NFAM1: variants seen among roughly 807,000 people sequenced by gnomAD.
The protein encoded by NFAM1 is NFAT activating protein with ITAM motif 1.
In NFAM1, 17 loss-of-function variants were observed where a neutral mutation model predicts 29.0. The ratio of observed to expected loss-of-function variants is 0.59; its 90% CI spans 0.40 to 0.88. The LOEUF (loss-of-function observed/expected upper bound fraction) is 0.88. NFAM1 is among the 40% of genes least tolerant of loss of function. The pLI is 0.00. For missense variants in NFAM1, 324 were observed against 344.6 expected (o/e 0.94, Z 0.47); for synonymous variants, 175 against 147.2 (o/e 1.19, Z -1.36).
At position 42,384,283 on chromosome 22, in the gene NFAM1, G is replaced by C. The variant is rs1482745022; in HGVS notation, c.*878C>G. ...GAAGGAGGGACAGCTGAGGTCCTGT[G>C]GTGGAGAAGGCCTGGAGCAGAGGGT... On this transcript the variant is annotated 3_prime_UTR_variant, in exon 6 of 6. Transcript: ENST00000329021. 2 of 153,608 alleles carry C rather than the reference G, an allele frequency of 1.3e-5. No individual in the cohort carries two copies. Among genetic ancestry groups the C allele is most frequent in the African/African-American group, 2.4e-5 (1 of 41,424 alleles). 9.5% of individuals were successfully genotyped at this position (153,608 alleles called of 1,614,324 possible).
chr22:42,389,678 C>T (rs1458342367), intron 4 of NFAM1, among the ~76,000 whole-genome samples: 1 of 39,238 alleles, frequency 2.5e-5, no homozygotes, highest in Non-Finnish European at 4.8e-5. Context: ...GGCTGGGGGG[C>T]TGGGCTGGGC....
chr22:42,402,831 C>CTTTTTTTTTT (rs35045065), intron 3 of NFAM1, among the ~76,000 whole-genome samples: 1 of 97,130 alleles, frequency 1.0e-5, no homozygotes, highest in African/African-American at 4.7e-5. Flanking sequence ...TCTGTGCCTT[C>CTTTTTTTTTT]TTTTTTTTTT....
At chr22:42,425,178 C>T (rs1325098200) in intron 1 of NFAM1, among the ~76,000 whole-genome samples, 1 of 152,016 alleles carries the variant, frequency 6.6e-6, no homozygotes, top group Non-Finnish European at 1.5e-5. Flanking sequence ...AAACCTCGGC[C>T]CCCCAAAGTG....
At position 42,409,585 on chromosome 22, in the gene NFAM1, C is replaced by G. The variant is rs770693166; in HGVS notation, c.452-38G>C. 2.1e-5 allele frequency: 23 copies of G among 1,099,402 alleles called. No homozygotes were observed. The highest frequency in any genetic ancestry group is 2.6e-5 in the Non-Finnish European group (20 of 782,194). 68.1% of individuals were successfully genotyped at this position (1,099,402 alleles called of 1,614,324 possible). ...GCAGGGGAGCAGAGGGGTCAGTGAC[C>G]CAGGAGAAAGCGGGGCACACACACC... On this transcript the variant is annotated intron_variant, in intron 2 of 5. Coordinates refer to ENST00000329021, the MANE Select transcript of NFAM1 (RefSeq NM_145912.8). The surrounding 1 kb of genome is among the most constrained non-coding windows in gnomAD (Gnocchi z 4.9).
At position 42,385,094 on chromosome 22, in the gene NFAM1, C is replaced by A. The variant is rs1601729890; in HGVS notation, c.*67G>T. ...GCCTTACTCCCAACTCAGATCAAGT[C>A]CTTTGGTGGCAGGGGCTGCCCCGGT... On this transcript the variant is annotated 3_prime_UTR_variant, in exon 6 of 6. Coordinates refer to ENST00000329021, the MANE Select transcript of NFAM1 (RefSeq NM_145912.8). 6 of 1,206,968 alleles carry A rather than the reference C, an allele frequency of 5.0e-6. No individual in the cohort carries two copies. The highest frequency in any genetic ancestry group is 7.4e-6 in the Non-Finnish European group (6 of 809,888). 74.8% of individuals were successfully genotyped at this position (1,206,968 alleles called of 1,614,324 possible). A position where few individuals can be genotyped will look rare whatever the true frequency, so the allele number is the denominator to read the frequency against.
chr22:42,386,151 A>G (rs989968978), intron 5 of NFAM1, among the ~76,000 whole-genome samples: 11 of 151,990 alleles, frequency 7.2e-5, no homozygotes, highest in African/African-American at 2.4e-4. Flanking sequence ...GAGGTGGGTG[A>G]ATCATGAGGT....
chr22:42,437,205 C>A (rs573249823), upstream of NFAM1, among the ~76,000 whole-genome samples: 1 of 146,172 alleles, frequency 6.8e-6, no homozygotes, highest in Non-Finnish European at 1.5e-5. Context: ...TGCAGTGGTG[C>A]GATCTTGGCT....
chr22:42,437,083 G>T, upstream of NFAM1: 1 of 567,528 alleles, frequency 1.8e-6, no homozygotes, highest in Non-Finnish European at 2.2e-6. Flanking sequence ...ACACCAAAAG[G>T]AATCTTCAAG....
At chr22:42,437,755 T>C in the NFAM1 span, among the ~76,000 whole-genome samples, 1 of 152,150 alleles carries the variant, frequency 6.6e-6, no homozygotes, top group Non-Finnish European at 1.5e-5. Flanking sequence ...GGCCACCGCC[T>C]AGCAAGATCA....
intron 1 of NFAM1, among the ~76,000 whole-genome samples, chr22:42,420,494 A>C (rs993556164): frequency 6.6e-6 from 1 of 150,550 alleles, no homozygotes; most frequent in Non-Finnish European, 1.5e-5. Flanking sequence ...GGCTGGGTGC[A>C]GTGGGTCACG....
intron 3 of NFAM1, among the ~76,000 whole-genome samples, chr22:42,400,896 A>G (rs5996156): frequency 0.29 from 43,853 of 152,134 alleles, 6,853 homozygotes; most frequent in South Asian, 0.44. Context: ...GCTCATGGGC[A>G]GTGGGTCTCC....
intron 1 of NFAM1, among the ~76,000 whole-genome samples, chr22:42,415,592 C>T (rs1930235684): frequency 6.6e-6 from 1 of 152,160 alleles, no homozygotes; most frequent in African/African-American, 2.4e-5. Context: ...AGCCACCGCG[C>T]CCGGCCTGCA....
upstream of NFAM1, among the ~76,000 whole-genome samples, chr22:42,436,758 A>T (rs1930950100): frequency 6.6e-6 from 1 of 152,238 alleles, no homozygotes; most frequent in South Asian, 2.1e-4. Context: ...TGCTTCGCAG[A>T]TGAGGAAACT....
intron 4 of NFAM1, among the ~76,000 whole-genome samples, chr22:42,389,493 C>G (rs1929260044): frequency 6.6e-6 from 1 of 152,124 alleles, no homozygotes; most frequent in Non-Finnish European, 1.5e-5. Flanking sequence ...GCCTTGGCAA[C>G]AGGACACCCT....
intron 1 of NFAM1, among the ~76,000 whole-genome samples, chr22:42,429,833 A>G (rs1246647751): frequency 6.6e-6 from 1 of 152,218 alleles, no homozygotes; most frequent in Non-Finnish European, 1.5e-5. Context: ...GCTGATGGTT[A>G]CGGTCAGGGG....
Position 42,385,099 on chromosome 22 carries a change from G to C in NFAM1, c.*62C>G. 1.6e-6 allele frequency: 2 copies of C among 1,263,808 alleles called. No homozygotes were observed. Among genetic ancestry groups the C allele is most frequent in the Non-Finnish European group, 2.3e-6 (2 of 861,562 alleles). 78.3% of individuals were successfully genotyped at this position (1,263,808 alleles called of 1,614,324 possible). A position where few individuals can be genotyped will look rare whatever the true frequency, so the allele number is the denominator to read the frequency against. On this transcript the variant is annotated 3_prime_UTR_variant, in exon 6 of 6. Coordinates refer to ENST00000329021, the MANE Select transcript of NFAM1 (RefSeq NM_145912.8). The stretch of plus-strand genomic sequence containing the variant: ...ACTCCCAACTCAGATCAAGTCCTTT[G>C]GTGGCAGGGGCTGCCCCGGTCCTCT...
Position 42,397,666 on chromosome 22 carries a change from C to T in NFAM1, c.663+192G>A, listed in dbSNP as rs144174427. On this transcript the variant is annotated intron_variant, in intron 4 of 5. Coordinates refer to ENST00000329021, the MANE Select transcript of NFAM1 (RefSeq NM_145912.8). ...TCGTATGCCTTCCAGGAGCCCTGCA[C>T]GTGTCATCTCTTTTCAGCTTCAGAG... Among the ~76,000 whole-genome samples the T allele has an allele frequency of 6.9e-3, 1,054 of 152,282 alleles. 10 individuals are homozygous for T. Among genetic ancestry groups the T allele is most frequent in the African/African-American group, 0.021 (865 of 41,558 alleles).
At chr22:42,393,565 C>T (rs1929417548) in intron 4 of NFAM1, among the ~76,000 whole-genome samples, 1 of 144,802 alleles carries the variant, frequency 6.9e-6, no homozygotes, top group Non-Finnish European at 1.5e-5. Flanking sequence ...CCCGCCACCA[C>T]GCCTGACTAA....
Position 42,419,989 on chromosome 22 carries a change from G to GTTTTTTTTTTTTTTTTTTTTTTTT in NFAM1, c.122-8254_122-8253insAAAAAAAAAAAAAAAAAAAAAAAA, listed in dbSNP as rs1491236869. ...CCTTTGAGTCTGTAATCCCACTCTT[G>GTTTTTTTTTTTTTTTTTTTTTTTT]GTTTTTTTTTTTTTTTTTTTTTTTT... On this transcript the variant is annotated intron_variant, in intron 1 of 5. Coordinates refer to ENST00000329021, the MANE Select transcript of NFAM1 (RefSeq NM_145912.8). This position sits in a 1 kb window ranked among gnomAD's most constrained non-coding sequence, Gnocchi z 4.5. 1.6e-4 allele frequency among the ~76,000 whole-genome samples: 9 copies of GTTTTTTTTTTTTTTTTTTTTTTTT among 56,528 alleles called. 4 individuals carry two copies. The highest frequency in any genetic ancestry group is 1.7e-3 in the East Asian group (2 of 1,172). The allele number at this position is 56,528 out of a possible 152,430, so 37.1% of individuals were successfully genotyped here.
Sources: allele counts gnomAD v4.1 joint callset (sites outside exome capture counted in the v4.1 genomes callset), GRCh38; gene constraint gnomAD v4.1.1; non-coding constraint Gnocchi (gnomAD v3.1); transcripts MANE v1.5; gene names NCBI Gene and HGNC (gene_info 2026-07-23, HGNC 2026-07-21).